The following NTRK3 variants were observed in gnomAD, a reference collection of about 807,000 sequenced individuals.
NTRK3 encodes NT-3 growth factor receptor.
In NTRK3, 24 loss-of-function variants were observed where a neutral mutation model predicts 91.7. The ratio of observed to expected loss-of-function variants is 0.26; its 90% CI spans 0.19 to 0.37. The LOEUF is 0.37. NTRK3 is among the 10% of genes least tolerant of loss of function. The pLI is 1.00. For synonymous variants in NTRK3, 483 were observed against 404.0 expected (o/e 1.20, Z -2.34); for missense variants, 880 against 1,068.9 (o/e 0.82, Z 2.46).
chr15:87,948,822 G>A (rs1301249255), intron 14 of NTRK3, among the ~76,000 whole-genome samples: 1 of 152,242 alleles, frequency 6.6e-6, no homozygotes, highest in Non-Finnish European at 1.5e-5. Flanking sequence ...GTTGGCTCAG[G>A]ATTTTTTACC....
intron 17 of NTRK3, among the ~76,000 whole-genome samples, chr15:87,912,224 C>T (rs1321985858): frequency 1.3e-5 from 2 of 152,178 alleles, no homozygotes; most frequent in African/African-American, 2.4e-5. Flanking sequence ...CCTCCTTTGC[C>T]TTGAATGGCC....
At chr15:88,121,237 G>A (rs1366336005) in intron 13 of NTRK3, among the ~76,000 whole-genome samples, 1 of 152,152 alleles carries the variant, frequency 6.6e-6, no homozygotes, top group Non-Finnish European at 1.5e-5. Context: ...TTATTGTTCA[G>A]ACACACTAAC....
chr15:88,236,920 T>G (rs923565127), intron 3 of NTRK3, among the ~76,000 whole-genome samples: 2 of 152,162 alleles, frequency 1.3e-5, no homozygotes, highest in Non-Finnish European at 2.9e-5. Context: ...ATGGTAATGT[T>G]CTGTCTCTCA....
intron 14 of NTRK3, among the ~76,000 whole-genome samples, chr15:88,012,442 T>A (rs1250069479): frequency 6.6e-6 from 1 of 152,228 alleles, no homozygotes; most frequent in Non-Finnish European, 1.5e-5. Context: ...GACCCCGAGC[T>A]TTGGCAAACT....
chr15:88,181,577 G>A (rs1417480563), intron 5 of NTRK3, among the ~76,000 whole-genome samples: 1 of 152,214 alleles, frequency 6.6e-6, no homozygotes, highest in Non-Finnish European at 1.5e-5. Flanking sequence ...AACAGGGTTT[G>A]TCTCGCATCA....
Position 87,874,487 on chromosome 15 carries a change from G to A in NTRK3, c.*2448C>T, listed in dbSNP as rs192910909. On this transcript the variant is annotated 3_prime_UTR_variant, in exon 19 of 19. Transcript: ENST00000394480. ...TCAGTGCCCTGAAGATAAAACCATA[G>A]CATGGTCCTTATTCCCAGTTTTCCA... 1.4e-4 allele frequency: 32 copies of A among 232,474 alleles called. 1 individual carries two copies. The East Asian group carries it at 1.6e-3, about 12-fold the overall frequency. The allele number at this position is 232,474 out of a possible 1,614,324, so 14.4% of individuals were successfully genotyped here.
chr15:87,944,327 T>C (rs1441379088), intron 14 of NTRK3, among the ~76,000 whole-genome samples: 2 of 152,184 alleles, frequency 1.3e-5, no homozygotes, highest in South Asian at 2.1e-4. Context: ...GAATACCATA[T>C]GAGCAGCTTC....
chr15:87,957,711 A>C (rs530827106), intron 14 of NTRK3, among the ~76,000 whole-genome samples: 1 of 152,348 alleles, frequency 6.6e-6, no homozygotes, highest in African/African-American at 2.4e-5. Context: ...GTGAGAAATA[A>C]GTCTTTTTAC....
intron 6 of NTRK3, among the ~76,000 whole-genome samples, chr15:88,141,255 G>T (rs1469464123): frequency 2.0e-5 from 3 of 152,322 alleles, no homozygotes; most frequent in Non-Finnish European, 4.4e-5. Context: ...AGGAAAAAAT[G>T]AGACGAACAT....
chr15:88,048,327 G>A (rs1466496109), intron 13 of NTRK3, among the ~76,000 whole-genome samples: 1 of 152,170 alleles, frequency 6.6e-6, no homozygotes, highest in Non-Finnish European at 1.5e-5. Context: ...AGGCAAGGCT[G>A]GGCAAAGTCC....
intron 13 of NTRK3, chr15:88,072,426 A>C (rs546250399): frequency 1.3e-5 from 3 of 224,294 alleles, no homozygotes; most frequent in Non-Finnish European, 1.8e-5. Context: ...CAAGACACTG[A>C]AAGGCAACTA....
chr15:88,152,066 T>G (rs1256097200), intron 5 of NTRK3, among the ~76,000 whole-genome samples: 2 of 152,154 alleles, frequency 1.3e-5, no homozygotes, highest in Non-Finnish European at 1.5e-5. Flanking sequence ...TTTGGGAGGC[T>G]GAGGCAGGTG....
intron 13 of NTRK3, among the ~76,000 whole-genome samples, chr15:88,034,819 TG>T (rs1400603304): frequency 6.6e-6 from 1 of 152,234 alleles, no homozygotes; most frequent in Non-Finnish European, 1.5e-5. Context: ...GAAAAGTAGC[TG>T]TAAGTGGTTG....
intron 3 of NTRK3, among the ~76,000 whole-genome samples, chr15:88,248,062 G>T (rs1324453485): frequency 6.6e-6 from 1 of 152,176 alleles, no homozygotes; most frequent in Non-Finnish European, 1.5e-5. Flanking sequence ...GCTCTCGCTG[G>T]CCATGAGCAC....
intron 5 of NTRK3, among the ~76,000 whole-genome samples, chr15:88,161,646 G>A (rs1446416449): frequency 6.6e-6 from 1 of 152,178 alleles, no homozygotes; most frequent in African/African-American, 2.4e-5. Context: ...AGAGCATAGG[G>A]AAAGGCATGG....
intron 4 of NTRK3, among the ~76,000 whole-genome samples, 154 bp from the exon 5 acceptor site, chr15:88,183,643 GC>G (rs2046710089): frequency 1.3e-5 from 2 of 152,226 alleles, no homozygotes; most frequent in African/African-American, 4.8e-5. Flanking sequence ...CAGGTGGCCT[GC>G]TGGGGTTGCT....
chr15:87,878,693 G>A (rs987628027), intron 18 of NTRK3, among the ~76,000 whole-genome samples: 3 of 152,254 alleles, frequency 2.0e-5, no homozygotes, highest in African/African-American at 4.8e-5. Context: ...TATGGTGGGT[G>A]GAGTGGGGGA....
At chr15:88,164,865 T>A (rs1333876886) in intron 5 of NTRK3, among the ~76,000 whole-genome samples, 4 of 152,192 alleles carry the variant, frequency 2.6e-5, no homozygotes, top group Non-Finnish European at 5.9e-5. Context: ...TGGCCTCTCT[T>A]GTCCAATTCT....
At chr15:87,941,769 G>C (rs2069884753) in intron 14 of NTRK3, among the ~76,000 whole-genome samples, 1 of 152,208 alleles carries the variant, frequency 6.6e-6, no homozygotes, top group Non-Finnish European at 1.5e-5. Context: ...AGAAAGCAGA[G>C]CTGTGACCTC....
Sources: gnomAD v4.1 joint callset for allele counts (sites outside exome capture counted in the v4.1 genomes callset) on GRCh38, gnomAD v4.1.1 for gene constraint, MANE v1.5 for transcripts, NCBI Gene and HGNC (gene_info 2026-07-23, HGNC 2026-07-21) for gene names.